Variants in RREB1 observed in about 807,000 individuals in gnomAD.
RREB1 encodes ras responsive element binding protein 1.
A neutral mutation model predicts 117.8 loss-of-function variants in RREB1; 27 were observed. The ratio of observed to expected loss-of-function variants is 0.23; its 90% CI spans 0.17 to 0.32. The LOEUF (loss-of-function observed/expected upper bound fraction) is 0.32, where lower values mean the gene tolerates loss of function less well. Among genes scored for constraint, RREB1 ranks in the 10% least tolerant of loss-of-function variants. The pLI is 1.00. For missense variants in RREB1, 2,577 were observed against 2,378.2 expected (o/e 1.08, Z -1.74); for synonymous variants, 1,298 against 1,026.7 (o/e 1.26, Z -5.05).
At chr6:7,185,652 C>G (rs1765047950) in intron 4 of RREB1, among the ~76,000 whole-genome samples, 1 of 152,116 alleles carries the variant, frequency 6.6e-6, no homozygotes, top group African/African-American at 2.4e-5. Flanking sequence ...TGGCTGTGAG[C>G]TAGACATCAT....
chr6:7,210,702 T>A (rs1025052056), intron 6 of RREB1, 102 bp from the exon 7 acceptor site: 5 of 1,016,180 alleles, frequency 4.9e-6, no homozygotes, highest in African/African-American at 3.3e-5. Flanking sequence ...ATCTCTTAAC[T>A]AAAGAAAATT....
chr6:7,142,617 G>A (rs1762661546), intron 1 of RREB1, among the ~76,000 whole-genome samples: 1 of 152,234 alleles, frequency 6.6e-6, no homozygotes, highest in African/African-American at 2.4e-5. Flanking sequence ...CAGCAGGCCC[G>A]CTTCATGAGC....
chr6:7,248,406 G>A, intron 12 of RREB1, 105 bp from the exon 13 acceptor site: 1 of 954,414 alleles, frequency 1.0e-6, no homozygotes, highest in Non-Finnish European at 1.6e-6. Context: ...CGGAGTCCTG[G>A]CCCCCCGCAC....
At chr6:7,123,046 C>T (rs1325353185) in intron 1 of RREB1, among the ~76,000 whole-genome samples, 2 of 152,128 alleles carry the variant, frequency 1.3e-5, no homozygotes, top group East Asian at 1.9e-4. Flanking sequence ...TGTTGCCCCT[C>T]GGGTCCCTGG....
intron 10 of RREB1, among the ~76,000 whole-genome samples, chr6:7,236,365 C>T (rs1176981739): frequency 6.6e-6 from 1 of 152,184 alleles, no homozygotes; most frequent in Non-Finnish European, 1.5e-5. Flanking sequence ...AGGCTTTCCC[C>T]CCACACCCTT....
At chr6:7,181,370 C>T (rs1367251474) in intron 3 of RREB1, 124 bp downstream of exon 3, 3 of 400,526 alleles carry the variant, frequency 7.5e-6, no homozygotes, top group African/African-American at 6.2e-5. Flanking sequence ...ACTCTGATAG[C>T]GTTGGCTTCT....
At chr6:7,150,049 C>T (rs2113422252) in intron 1 of RREB1, among the ~76,000 whole-genome samples, 1 of 149,410 alleles carries the variant, frequency 6.7e-6, no homozygotes, top group South Asian at 2.1e-4. Flanking sequence ...TTATTCTTCT[C>T]AGTAGTTCCA....
chr6:7,238,223 AC>A (rs941895937), intron 10 of RREB1, among the ~76,000 whole-genome samples: 71 of 152,302 alleles, frequency 4.7e-4, no homozygotes, highest in African/African-American at 1.7e-3. Flanking sequence ...TAAATGAAAA[AC>A]AATAAGTAAT....
rs988119222 is a variant in RREB1, at chr6:7,230,544, C to G, written c.2445C>G (p.His815Gln). 1 of 1,597,784 alleles carries G rather than the reference C, an allele frequency of 6.3e-7. No homozygotes were observed. The change falls in exon 10 of 13, where the codon CAC (histidine) becomes CAG (glutamine). Residue 815 changes from histidine to glutamine, a missense_variant. By Grantham distance (24) the His-to-Gln change is conservative. Transcript: ENST00000379938. ...CIHHILKQHL[H>Q]VPEQDIESYV... Reference sequence around the variant, plus strand: ...ACCACATCCTCAAGCAGCACCTGCACGTGCCCGAGCAGGACATCGAGAGCT... The same window carrying G: ...ACCACATCCTCAAGCAGCACCTGCAGGTGCCCGAGCAGGACATCGAGAGCT...
chr6:7,236,573 T>TAG (rs1232711336), intron 10 of RREB1, among the ~76,000 whole-genome samples: 1 of 152,136 alleles, frequency 6.6e-6, no homozygotes, highest in Non-Finnish European at 1.5e-5. Flanking sequence ...GAAAGAAACC[T>TAG]GCCTGCAGGG....
intron 12 of RREB1, among the ~76,000 whole-genome samples, chr6:7,247,768 T>C (rs1411146896): frequency 1.3e-5 from 2 of 152,220 alleles, no homozygotes; most frequent in Non-Finnish European, 2.9e-5. Flanking sequence ...ACCCACCACC[T>C]GCAGGGTGGA....
At position 7,250,852 on chromosome 6, in the gene RREB1, G is replaced by T. The variant is rs1265164803; in HGVS notation, c.*1884G>T. The stretch of plus-strand genomic sequence containing the variant: ...TATATGATTTTTAACTGTATTAGGG[G>T]TGTATGAACCAGTTTAAAAACGAGG... On this transcript the variant is annotated 3_prime_UTR_variant, in exon 13 of 13. Transcript: ENST00000379938. The T allele has an allele frequency of 6.6e-6, 1 of 152,124 alleles. No homozygotes were observed. Among genetic ancestry groups the T allele is most frequent in the African/African-American group, 2.4e-5 (1 of 41,402 alleles). 9.4% of individuals were successfully genotyped at this position (152,124 alleles called of 1,614,324 possible).
chr6:7,191,704 G>A (rs962284606), intron 6 of RREB1, among the ~76,000 whole-genome samples: 1 of 152,094 alleles, frequency 6.6e-6, no homozygotes, highest in Non-Finnish European at 1.5e-5. Flanking sequence ...TTATTTCTAA[G>A]TATTTTATTA....
At chr6:7,143,471 T>C (rs149451203) in intron 1 of RREB1, among the ~76,000 whole-genome samples, 9 of 152,304 alleles carry the variant, frequency 5.9e-5, no homozygotes, top group African/African-American at 1.7e-4. Context: ...TGGTTTCTAG[T>C]TGGGCTTTCC....
chr6:7,246,698 G>A lies in RREB1; in HGVS notation c.4248G>A (p.Leu1416=), dbSNP rs1446405240. 1.3e-6 allele frequency: 2 copies of A among 1,585,086 alleles called. No homozygotes were observed. The highest frequency in any genetic ancestry group is 2.3e-5 in the South Asian group (2 of 86,904). Residue 1416 remains leucine (L), a synonymous_variant, in exon 12 of 13, where the codon CTG becomes CTA. Coordinates refer to ENST00000379938, the MANE Select transcript of RREB1 (RefSeq NM_001003699.4). ...AEEDASSNQS[L]DLDFATKLMD... ...AGGACGCGTCGAGCAACCAGAGCCT[G>A]GACCTGGACTTCGCCACCAAGCTCA...
At chr6:7,150,887 A>G (rs533566575) in intron 1 of RREB1, among the ~76,000 whole-genome samples, 17 of 152,350 alleles carry the variant, frequency 1.1e-4, no homozygotes, top group Admixed American at 9.1e-4. Context: ...CGGAGCCTCA[A>G]GGACACATGT....
chr6:7,184,155 C>T (rs1038220887), intron 4 of RREB1, among the ~76,000 whole-genome samples: 1 of 151,846 alleles, frequency 6.6e-6, no homozygotes, highest in Non-Finnish European at 1.5e-5. Context: ...TCAAGGCCAG[C>T]CCGGGCAATA....
At chr6:7,165,086 C>T (rs1484109413) in intron 1 of RREB1, among the ~76,000 whole-genome samples, 1 of 152,240 alleles carries the variant, frequency 6.6e-6, no homozygotes, top group Non-Finnish European at 1.5e-5. Context: ...CTCTCACACA[C>T]AGAGGCACAA....
At chr6:7,173,415 C>T (rs2113504164) in intron 1 of RREB1, among the ~76,000 whole-genome samples, 1 of 152,014 alleles carries the variant, frequency 6.6e-6, no homozygotes, top group South Asian at 2.1e-4. Context: ...ATCACTTGAA[C>T]CCAGGAGGCG....
Sources: allele counts gnomAD v4.1 joint callset (sites outside exome capture counted in the v4.1 genomes callset), GRCh38; gene constraint gnomAD v4.1.1; transcripts MANE v1.5; gene names NCBI Gene and HGNC (gene_info 2026-07-23, HGNC 2026-07-21).